The following LMO3 variants were observed in gnomAD, a reference collection of about 807,000 sequenced individuals.
LMO3 encodes LIM domain only protein 3.
LMO3 carries 2 observed loss-of-function variants against 15.8 expected under a neutral mutation model. That is an observed-to-expected ratio of 0.13 (90% CI 0.05 to 0.40). The LOEUF is 0.40. LMO3 is among the 10% of genes least tolerant of loss of function. The pLI is 0.99. For synonymous variants in LMO3, 62 were observed against 63.8 expected, an observed-to-expected ratio of 0.97 and a Z score of 0.13; for missense variants, 86 against 182.2, an observed-to-expected ratio of 0.47 and a Z score of 3.04.
chr12:16,573,326 A>G (rs1282397402), intron 2 of LMO3, among the ~76,000 whole-genome samples: 2 of 152,224 alleles, frequency 1.3e-5, no homozygotes, highest in Non-Finnish European at 2.9e-5. Flanking sequence ...GAACTCAGAC[A>G]TATTGAATAT....
intron 2 of LMO3, among the ~76,000 whole-genome samples, chr12:16,578,046 C>T (rs1815539826): frequency 6.6e-6 from 1 of 152,188 alleles, no homozygotes; most frequent in Non-Finnish European, 1.5e-5. Context: ...CTCCAGTCCT[C>T]AGTAGGCAAC....
intron 2 of LMO3, among the ~76,000 whole-genome samples, chr12:16,590,487 A>G (rs1943459068): frequency 6.6e-6 from 1 of 152,090 alleles, no homozygotes; most frequent in Admixed American, 6.6e-5. Flanking sequence ...TTGACTTTAA[A>G]AAGTGAAAAA....
intron 2 of LMO3, among the ~76,000 whole-genome samples, chr12:16,571,717 A>AT (rs1780000176): frequency 6.6e-6 from 1 of 152,036 alleles, no homozygotes; most frequent in African/African-American, 2.4e-5. Flanking sequence ...GATTGAATTA[A>AT]ATACCCTTTC....
chr12:16,578,615 C>T (rs541702151), intron 2 of LMO3, among the ~76,000 whole-genome samples: 4 of 151,946 alleles, frequency 2.6e-5, no homozygotes, highest in Non-Finnish European at 4.4e-5. Flanking sequence ...GTCAGGAGTT[C>T]GAGACCAGCT....
Position 16,548,942 on chromosome 12 carries a change from T to G in LMO3, c.*2280A>C, listed in dbSNP as rs1941885203. 6.6e-6 allele frequency: 1 copy of G among 152,144 alleles called. No individual in the cohort carries two copies. The highest frequency in any genetic ancestry group is 6.5e-5 in the Admixed American group (1 of 15,270). The allele number at this position is 152,144 out of a possible 1,614,324, so 9.4% of individuals were successfully genotyped here. On this transcript the variant is annotated 3_prime_UTR_variant, in exon 4 of 4. Transcript: ENST00000537304. This position sits in a 1 kb window ranked among gnomAD's most constrained non-coding sequence, Gnocchi z 4.2. ...AAAGAAAAAGCAGTGAAAACCTTGT[T>G]TGGTCTTCCAGTGGCAAGGATAGTT...
intron 1 of LMO3, chr12:16,605,283 A>G: frequency 8.4e-7 from 1 of 1,192,420 alleles, no homozygotes; most frequent in East Asian, 4.7e-5. Flanking sequence ...TCAATATGAA[A>G]AAGATCATAA....
At chr12:16,602,028 G>C (rs1943838263) in intron 1 of LMO3, 1 of 152,182 alleles carries the variant, frequency 6.6e-6, no homozygotes, top group African/African-American at 2.4e-5. Context: ...CGAGGCCCAA[G>C]AGAGGTTCAG....
chr12:16,566,524 ATATGTACC>A (rs1464731961), intron 2 of LMO3, among the ~76,000 whole-genome samples: 4 of 152,166 alleles, frequency 2.6e-5, no homozygotes, highest in African/African-American at 9.7e-5. Context: ...TACCCTAGAA[ATATGTACC>A]ATTATAAGGT....
intron 2 of LMO3, among the ~76,000 whole-genome samples, chr12:16,569,695 G>C (rs1942743347): frequency 6.6e-6 from 1 of 152,014 alleles, no homozygotes; most frequent in Non-Finnish European, 1.5e-5. Context: ...AGAATCTTTT[G>C]TTGCTAGAAT....
chr12:16,557,842 T>C (rs1159295478), intron 3 of LMO3, among the ~76,000 whole-genome samples: 2 of 152,032 alleles, frequency 1.3e-5, no homozygotes, highest in African/African-American at 4.8e-5. Context: ...ACAGTTAATA[T>C]ATCAGCTACT....
intron 2 of LMO3, among the ~76,000 whole-genome samples, chr12:16,564,257 G>A (rs1441030589): frequency 6.6e-6 from 1 of 152,158 alleles, no homozygotes; most frequent in African/African-American, 2.4e-5. Context: ...ACACTGTAGT[G>A]AGCATGCACA....
In LMO3 at chr12:16,551,137, C is replaced by G. The variant is rs1017780115; in HGVS notation, c.*85G>C. ...CTATATCTACGCTATTCAGTAGGTTCCTGTGTCAATTCTTATGTACATGTG... is the reference window on the plus strand; with the variant it reads ...CTATATCTACGCTATTCAGTAGGTTGCTGTGTCAATTCTTATGTACATGTG... On this transcript the variant is annotated 3_prime_UTR_variant, in exon 4 of 4. Transcript: ENST00000537304. 1.4e-5 allele frequency: 12 copies of G among 867,886 alleles called. No homozygotes were observed. The highest frequency in any genetic ancestry group is 2.0e-5 in the Non-Finnish European group (10 of 509,214). The allele number at this position is 867,886 out of a possible 1,614,324, so 53.8% of individuals were successfully genotyped here.
chr12:16,554,473 G>A (rs1373213006), intron 3 of LMO3, among the ~76,000 whole-genome samples: 1 of 151,990 alleles, frequency 6.6e-6, no homozygotes, highest in Non-Finnish European at 1.5e-5. Flanking sequence ...TAAGAAGTCC[G>A]GGTTGTGTAC....
rs1942338130 is a variant in LMO3, at chr12:16,560,060, T to C, written c.332+353A>G. Among the ~76,000 whole-genome samples the C allele has an allele frequency of 6.6e-6, 1 of 152,270 alleles. No homozygotes were observed. Among genetic ancestry groups the C allele is most frequent in the South Asian group, 2.1e-4 (1 of 4,814 alleles). On this transcript the variant is annotated intron_variant, in intron 3 of 3. Coordinates refer to ENST00000537304, the MANE Select transcript of LMO3 (RefSeq NM_018640.5). The surrounding 1 kb of genome is among the most constrained non-coding windows in gnomAD (Gnocchi z 5.0). Reference sequence around the variant, plus strand: ...AACAAATTCCTGTATATTTGCTTCATTGCCAATTTATTTACTCACATAAGT... The same window carrying C: ...AACAAATTCCTGTATATTTGCTTCACTGCCAATTTATTTACTCACATAAGT...
Position 16,560,917 on chromosome 12 carries a change from G to A in LMO3, c.207-379C>T, listed in dbSNP as rs1942380926. 1.1e-5 allele frequency: 2 copies of A among 186,978 alleles called. No individual in the cohort carries two copies. The highest frequency in any genetic ancestry group is 2.3e-5 in the Non-Finnish European group (2 of 87,530). The allele number at this position is 186,978 out of a possible 1,614,324, so 11.6% of individuals were successfully genotyped here. ...TATATTAAACATTTTAGTTGGGAAA[G>A]GAACCAACTAATGAATGATTCACTA... On this transcript the variant is annotated intron_variant, in intron 2 of 3. Transcript: ENST00000537304. This position sits in a 1 kb window ranked among gnomAD's most constrained non-coding sequence, Gnocchi z 5.0.
rs924927396 is a variant in LMO3, at chr12:16,576,854, G to A, written c.207-16316C>T. On this transcript the variant is annotated intron_variant, in intron 2 of 3. Coordinates refer to ENST00000537304, the MANE Select transcript of LMO3 (RefSeq NM_018640.5). The surrounding 1 kb of genome is among the most constrained non-coding windows in gnomAD (Gnocchi z 4.1). ...ATGGACATAAGACCTGTAGGTGGAA[G>A]TCAAAAATAAATTACTTAAAAGCTG... Among the ~76,000 whole-genome samples, 1 of 152,188 alleles carries A rather than the reference G, an allele frequency of 6.6e-6. No homozygotes were observed. Among genetic ancestry groups the A allele is most frequent in the Admixed American group, 6.5e-5 (1 of 15,280 alleles).
intron 2 of LMO3, among the ~76,000 whole-genome samples, chr12:16,561,891 CAT>C (rs1364680129): frequency 6.6e-6 from 1 of 152,174 alleles, no homozygotes; most frequent in Admixed American, 6.5e-5. Context: ...ACTTTGCTAA[CAT>C]AGTCTGTGCA....
intron 2 of LMO3, among the ~76,000 whole-genome samples, chr12:16,581,241 T>A (rs186279185): frequency 6.6e-6 from 1 of 152,178 alleles, no homozygotes; most frequent in African/African-American, 2.4e-5. Flanking sequence ...GTACAGCTCA[T>A]AAGGATGGGT....
At chr12:16,572,682 T>A (rs1407824782) in intron 2 of LMO3, among the ~76,000 whole-genome samples, 1 of 147,860 alleles carries the variant, frequency 6.8e-6, no homozygotes, top group Non-Finnish European at 1.5e-5. Context: ...ATATAGATTA[T>A]ATATATAATT....
Sources: allele counts gnomAD v4.1 joint callset (sites outside exome capture counted in the v4.1 genomes callset), GRCh38; gene constraint gnomAD v4.1.1; non-coding constraint Gnocchi (gnomAD v3.1); transcripts MANE v1.5; gene names NCBI Gene and HGNC (gene_info 2026-07-23, HGNC 2026-07-21).